Variants in LRRC73 observed in about 807,000 individuals in gnomAD.
LRRC73 encodes leucine rich repeat containing 73, also known as leucine-rich repeat-containing protein 73.
A neutral mutation model predicts 26.4 loss-of-function variants in LRRC73; 16 were observed. The observed-to-expected ratio is 0.61, with a 90% CI of 0.41 to 0.92. LRRC73 has a LOEUF of 0.92. Ranked by LOEUF, LRRC73 falls within the 40% of genes least tolerant of loss-of-function variation. The pLI is 0.00. For synonymous variants in LRRC73, 210 were observed against 179.8 expected (o/e 1.17, Z -1.34); for missense variants, 344 against 416.3 (o/e 0.83, Z 1.51).
chr6:43,508,785 G>C (rs763408862), exon 2 of LRRC73: 1 of 1,612,290 alleles, frequency 6.2e-7, no homozygotes, highest in Non-Finnish European at 8.5e-7. Context: ...CTGGGGGCAG[G>C]AGGCCACAGA....
chr6:43,507,779 A>C (rs749700650), intron 4 of LRRC73, 47 bp downstream of exon 4: 1 of 1,598,664 alleles, frequency 6.3e-7, no homozygotes. Context: ...ACATAAACTA[A>C]CCTCCACCCC....
chr6:43,508,255 G>A, intron 3 of LRRC73, 43 bp downstream of exon 3: 1 of 1,575,586 alleles, frequency 6.3e-7, no homozygotes, highest in Non-Finnish European at 8.6e-7. Flanking sequence ...CTTGGATAGG[G>A]CATGAGGCAG....
chr6:43,509,963 G>A (rs1054573526), exon 1 of LRRC73: 2 of 419,036 alleles, frequency 4.8e-6, no homozygotes, highest in African/African-American at 2.1e-5. Context: ...TGCGGCGGGG[G>A]CGGAGAAGAG....
chr6:43,507,863 T>C, exon 4 of LRRC73: 1 of 1,613,872 alleles, frequency 6.2e-7, no homozygotes, highest in Non-Finnish European at 8.5e-7. Flanking sequence ...GCCCTCCAAG[T>C]CTAGGACCTC....
intron 3 of LRRC73, 52 bp downstream of exon 3, chr6:43,508,246 T>C: frequency 6.4e-7 from 1 of 1,558,772 alleles, no homozygotes; most frequent in Non-Finnish European, 8.7e-7. Context: ...TCCCAGGCTC[T>C]TGGATAGGGC....
rs1162003350 is a variant in LRRC73, at chr6:43,508,454, G to A, written c.434-34C>T. On this transcript the variant is annotated intron_variant, in intron 2 of 5. Transcript: ENST00000372441. ...CATCATAGCAAGAAACCAGAATAGG[G>A]AGGGTTAAGCCCTCCTCCAGCCCTT... is the stretch of plus-strand genomic sequence containing the variant. The A allele has an allele frequency of 4.3e-6, 7 of 1,612,570 alleles. 1 individual carries two copies. The highest frequency in any genetic ancestry group is 5.9e-6 in the Non-Finnish European group (7 of 1,179,754).
At chr6:43,509,758 C>G (rs1329044226) in exon 1 of LRRC73, 2 of 1,583,100 alleles carry the variant, frequency 1.3e-6, no homozygotes, top group Admixed American at 1.7e-5. Context: ...AGCGGCTCCC[C>G]CGAAATCTGG....
chr6:43,508,526 A>C (rs1031964382), intron 2 of LRRC73, 106 bp from the exon 3 acceptor site: 10 of 1,526,774 alleles, frequency 6.5e-6, no homozygotes, highest in Middle Eastern at 2.2e-4. Flanking sequence ...GCTGGGCACC[A>C]CCTTACCCCC....
chr6:43,509,003 C>T (rs1454048402), intron 1 of LRRC73, 83 bp from the exon 2 acceptor site: 24 of 1,398,042 alleles, frequency 1.7e-5, no homozygotes, highest in South Asian at 4.7e-5. Context: ...TCTGTCAGCC[C>T]TAGGTATGGG....
intron 2 of LRRC73, 23 bp downstream of exon 2, chr6:43,508,737 G>A: frequency 6.3e-7 from 1 of 1,581,622 alleles, no homozygotes; most frequent in Non-Finnish European, 8.6e-7. Context: ...ACTAGCCCAA[G>A]CCCTCAACAG....
chr6:43,509,716 C>G, exon 1 of LRRC73: 1 of 1,591,418 alleles, frequency 6.3e-7, no homozygotes, highest in Non-Finnish European at 8.5e-7. Context: ...TCGCGAAGGC[C>G]GCGGCAGATG....
chr6:43,508,514 T>A (rs1189823080), intron 2 of LRRC73, 94 bp from the exon 3 acceptor site: 10 of 1,569,018 alleles, frequency 6.4e-6, no homozygotes, highest in Admixed American at 1.8e-5. Flanking sequence ...GTGTCCCTAG[T>A]GGCTGGGCAC....
intron 2 of LRRC73, 135 bp from the exon 3 acceptor site, chr6:43,508,555 C>T: frequency 7.0e-7 from 1 of 1,436,336 alleles, no homozygotes; most frequent in Non-Finnish European, 9.5e-7. Flanking sequence ...GGTCAAGAGC[C>T]ATTAAGGAGG....
chr6:43,509,831 G>T (rs767338617), exon 1 of LRRC73: 1 of 1,426,496 alleles, frequency 7.0e-7, no homozygotes, highest in South Asian at 1.5e-5. Context: ...AACGGAGGTT[G>T]GTGGGGCCGC....
In LRRC73 at chr6:43,508,709, G is replaced by A. The variant is rs1350586603; in HGVS notation, c.433+51C>T. The stretch of plus-strand genomic sequence containing the variant: ...CCACACCCCCTTCCCTCTGCATTTC[G>A]ATTTTCATCACTGCCACACTAGCCC... On this transcript the variant is annotated intron_variant, in intron 2 of 5. Coordinates refer to ENST00000372441, the Ensembl canonical transcript of LRRC73. 5 of 1,547,044 alleles carry A rather than the reference G, an allele frequency of 3.2e-6. No individual in the cohort carries two copies. The Admixed American group carries it at 9.7e-5, about 30-fold the overall frequency.
At chr6:43,508,541 T>C (rs977425294) in intron 2 of LRRC73, 121 bp from the exon 3 acceptor site, 22 of 1,492,240 alleles carry the variant, frequency 1.5e-5, no homozygotes, top group African/African-American at 1.1e-4. Flanking sequence ...ACCCCCACCA[T>C]AGAGGTCAAG....
At chr6:43,510,081 TG>T (rs2127681955) in exon 1 of LRRC73, 1 of 223,208 alleles carries the variant, frequency 4.5e-6, no homozygotes, top group South Asian at 1.6e-4. Flanking sequence ...GGTCCGTGTC[TG>T]GGCGTTGGGG....
exon 1 of LRRC73, chr6:43,509,964 C>A (rs1157742820): frequency 3.4e-5 from 14 of 416,508 alleles, no homozygotes; most frequent in Non-Finnish European, 5.5e-5. Context: ...GCGGCGGGGG[C>A]GGAGAAGAGC....
chr6:43,509,800 G>C (rs1157022879), exon 1 of LRRC73: 13 of 1,506,706 alleles, frequency 8.6e-6, no homozygotes, highest in Non-Finnish European at 1.1e-5. Context: ...CCCACGGCTG[G>C]GCCTCCGGGT....
Sources: allele counts gnomAD v4.1 joint callset, GRCh38; gene constraint gnomAD v4.1.1; transcripts MANE v1.5; gene names NCBI Gene and HGNC (gene_info 2026-07-23, HGNC 2026-07-21).